Variants in TCEA3 observed in about 807,000 individuals in gnomAD.
TCEA3 encodes the protein transcription elongation factor A3, also known as transcription elongation factor A protein 3.
Under a neutral mutation model 44.0 loss-of-function variants are expected in TCEA3, and 36 were observed. The ratio of observed to expected loss-of-function variants is 0.82; its 90% CI spans 0.63 to 1.08. The LOEUF (loss-of-function observed/expected upper bound fraction) is 1.08. Ranked by LOEUF, TCEA3 falls within the 50% of genes least tolerant of loss-of-function variation. The pLI is 0.00. For missense variants in TCEA3, 392 were observed against 441.2 expected (o/e 0.89, Z 1.00); for synonymous variants, 162 against 159.7 (o/e 1.01, Z -0.11).
chr1:23,397,667 C>A, intron 6 of TCEA3, 66 bp from the exon 7 acceptor site: 1 of 1,603,388 alleles, frequency 6.2e-7, no homozygotes, highest in Non-Finnish European at 8.5e-7. Flanking sequence ...CCTGCTTGTA[C>A]CTGGGACTAG....
At position 23,419,109 on chromosome 1, in the gene TCEA3, G is replaced by A. The variant is rs1639981773; in HGVS notation, c.100C>T (p.His34Tyr). The change falls in exon 2 of 11, where the codon CAC becomes TAC. Residue 34 changes from histidine (H) to tyrosine (Y), a missense_variant. Transcript: ENST00000450454. ...AGCTGGATGGACATCTGGCAGCTGT[G>A]CAGCTTCTTCAGAAGGTCCAGGGCC... ...EGALDLLKKL[H>Y]SCQMSIQLLQ... 6.3e-7 allele frequency: 1 copy of A among 1,595,186 alleles called. No homozygotes were observed. Among genetic ancestry groups the A allele is most frequent in the Non-Finnish European group, 8.5e-7 (1 of 1,172,018 alleles).
chr1:23,381,539 G>A (rs1314230700), intron 10 of TCEA3, 65 bp from the exon 11 acceptor site: 2 of 778,592 alleles, frequency 2.6e-6, no homozygotes, highest in African/African-American at 3.4e-5. Flanking sequence ...AGGCTGTGGG[G>A]GAATATGAAA....
chr1:23,415,233 G>A lies in TCEA3; in HGVS notation c.380+2016C>T, dbSNP rs181072251. 5.0e-3 allele frequency among the ~76,000 whole-genome samples: 762 copies of A among 152,086 alleles called. 9 individuals are homozygous for A. The highest frequency in any genetic ancestry group is 0.017 in the African/African-American group (706 of 41,478). ...AGACGGGGTTTCACCATCTTGGCCA[G>A]GCTGGTCTCGAACTCCTGACCTCAG... On this transcript the variant is annotated intron_variant, in intron 4 of 10. Transcript: ENST00000450454.
At chr1:23,383,104 C>T (rs868784993) in intron 10 of TCEA3, among the ~76,000 whole-genome samples, 1 of 151,886 alleles carries the variant, frequency 6.6e-6, no homozygotes, top group Non-Finnish European at 1.5e-5. Flanking sequence ...ACGGTGAAAC[C>T]CCGTCTCTAC....
intron 5 of TCEA3, among the ~76,000 whole-genome samples, chr1:23,404,418 G>A (rs1202954871): frequency 2.0e-5 from 3 of 151,796 alleles, no homozygotes; most frequent in Non-Finnish European, 4.4e-5. Context: ...CTTCCACGAA[G>A]CCTCCTTTGA....
chr1:23,408,316 C>T (rs1269399988), intron 5 of TCEA3, among the ~76,000 whole-genome samples: 1 of 152,190 alleles, frequency 6.6e-6, no homozygotes, highest in Admixed American at 6.5e-5. Context: ...GACCTTGAGA[C>T]TGGTCCCCTG....
intron 4 of TCEA3, among the ~76,000 whole-genome samples, chr1:23,412,413 A>G (rs1639751887): frequency 6.6e-6 from 1 of 150,600 alleles, no homozygotes; most frequent in Non-Finnish European, 1.5e-5. Context: ...AAAAAAAAAA[A>G]AAAAAATGGC....
intron 4 of TCEA3, among the ~76,000 whole-genome samples, chr1:23,415,610 G>A (rs908741278): frequency 6.6e-6 from 1 of 152,202 alleles, no homozygotes; most frequent in African/African-American, 2.4e-5. Context: ...CACAGGGCAG[G>A]GGACCATGCT....
intron 5 of TCEA3, among the ~76,000 whole-genome samples, chr1:23,402,740 CA>C (rs1639435145): frequency 6.6e-6 from 1 of 152,340 alleles, no homozygotes; most frequent in South Asian, 2.1e-4. Context: ...CTCCAGATTA[CA>C]GGCTCCAGAG....
At position 23,387,279 on chromosome 1, in the gene TCEA3, A is replaced by G. The variant is rs1224057168; in HGVS notation, c.960T>C (p.Tyr320=). 1 of 1,613,738 alleles carries G rather than the reference A, an allele frequency of 6.2e-7. No individual in the cohort carries two copies. Among genetic ancestry groups the G allele is most frequent in the Admixed American group, 1.7e-5 (1 of 60,002 alleles). ...GTCCCCTCACTGTCCTTACCTGGTT[A>G]TAGGTGCAGTTCTTCTTCTTGCATT... ...CSKCKKKNCT[Y]NQVQTRSADE... is the part of the protein sequence containing the mutation. The change falls in exon 9 of 11, where the codon TAT becomes TAC. Residue 320 remains tyrosine, a synonymous_variant. Coordinates refer to ENST00000450454, the MANE Select transcript of TCEA3 (RefSeq NM_003196.3).
At position 23,417,973 on chromosome 1, in the gene TCEA3, T is replaced by C; in HGVS notation, c.169A>G (p.Lys57Glu). 1.2e-6 allele frequency: 2 copies of C among 1,614,062 alleles called. No homozygotes were observed. Among genetic ancestry groups the C allele is most frequent in the Non-Finnish European group, 1.7e-6 (2 of 1,179,880 alleles). Residue 57 changes from lysine to glutamate, a missense_variant, in exon 3 of 11, where the codon AAG becomes GAG. By Grantham distance (56) the Lys-to-Glu change is moderately conservative (BLOSUM62 1). Coordinates refer to ENST00000450454, the MANE Select transcript of TCEA3 (RefSeq NM_003196.3). ...ACCACCTCCTTGTCTGAGCAGTGCT[T>C]GCGGACCCCATTAACAGCAACTCCA... is the stretch of plus-strand genomic sequence containing the variant. ...RIGVAVNGVR[K>E]HCSDKEVVSL...
intron 6 of TCEA3, 55 bp from the exon 7 acceptor site, chr1:23,397,656 G>A (rs764878277): frequency 5.6e-6 from 9 of 1,605,128 alleles, no homozygotes; most frequent in Non-Finnish European, 6.8e-6. Flanking sequence ...AGGCAGTGAA[G>A]CCTGCTTGTA....
At chr1:23,391,071 C>T (rs989157688) in intron 8 of TCEA3, among the ~76,000 whole-genome samples, 1 of 151,196 alleles carries the variant, frequency 6.6e-6, no homozygotes. Flanking sequence ...TCCTGATGGG[C>T]GCTTCCCCTC....
chr1:23,384,570 A>G (rs565354074), intron 9 of TCEA3, among the ~76,000 whole-genome samples, 153 bp from the exon 10 acceptor site: 1 of 151,578 alleles, frequency 6.6e-6, no homozygotes, highest in South Asian at 2.1e-4. Context: ...CAACTCCATA[A>G]TATTAGTATT....
At chr1:23,388,437 C>T (rs1188159669) in intron 8 of TCEA3, among the ~76,000 whole-genome samples, 1 of 152,026 alleles carries the variant, frequency 6.6e-6, no homozygotes, top group Non-Finnish European at 1.5e-5. Flanking sequence ...ACCTTGTGAT[C>T]CACCCACCTC....
intron 5 of TCEA3, among the ~76,000 whole-genome samples, chr1:23,403,123 C>G (rs1048041280): frequency 6.6e-6 from 1 of 152,264 alleles, no homozygotes; most frequent in Non-Finnish European, 1.5e-5. Context: ...TGCCATTGCA[C>G]ATTCTCAACA....
intron 1 of TCEA3, chr1:23,423,971 G>A (rs1193141874): frequency 7.4e-6 from 3 of 408,114 alleles, no homozygotes; most frequent in East Asian, 1.5e-4. Context: ...CCGCCCGTCC[G>A]GGCCGCACCC....
At chr1:23,382,658 G>C (rs1360224072) in intron 10 of TCEA3, among the ~76,000 whole-genome samples, 1 of 152,182 alleles carries the variant, frequency 6.6e-6, no homozygotes, top group African/African-American at 2.4e-5. Flanking sequence ...GCTCTCAGAG[G>C]CTCTGTTAAT....
At chr1:23,412,425 G>A (rs890035102) in intron 4 of TCEA3, among the ~76,000 whole-genome samples, 45 of 149,958 alleles carry the variant, frequency 3.0e-4, no homozygotes, top group Admixed American at 8.7e-4. Context: ...AAAAATGGCC[G>A]GGCATGGTGG....
Sources: allele counts gnomAD v4.1 joint callset (sites outside exome capture counted in the v4.1 genomes callset), GRCh38; gene constraint gnomAD v4.1.1; transcripts MANE v1.5; gene names NCBI Gene and HGNC (gene_info 2026-07-23, HGNC 2026-07-21).